The following OOSP4A variants were observed in gnomAD, a reference collection of about 807,000 sequenced individuals.
OOSP4A encodes oocyte-secreted protein 4A.
intron 1 of OOSP4A, among the ~76,000 whole-genome samples, chr11:59,964,596 C>T (rs1024254321): frequency 1.3e-5 from 2 of 152,066 alleles, no homozygotes; most frequent in Admixed American, 6.6e-5. Flanking sequence ...TGATCTGCCA[C>T]TTAATAGTTA....
chr11:59,967,651 T>TTA (rs1052238395), intron 3 of OOSP4A, among the ~76,000 whole-genome samples: 26 of 151,376 alleles, frequency 1.7e-4, no homozygotes, highest in South Asian at 6.2e-4. Context: ...TTTTTGTATT[T>TTA]TATATATATA....
chr11:59,964,148 CTTTTTTTTTTTT>C (rs397848906), intron 1 of OOSP4A, 49 bp downstream of exon 1: 7 of 310,664 alleles, frequency 2.3e-5, no homozygotes, highest in Non-Finnish European at 3.3e-5. Context: ...ATCAGCAGGG[CTTTTTTTTTTTT>C]TTTTTTTTAA....
At chr11:59,969,948 G>A (rs1389574818) in intron 4 of OOSP4A, 101 bp from the exon 5 acceptor site, 4 of 394,442 alleles carry the variant, frequency 1.0e-5, no homozygotes, top group African/African-American at 8.2e-5. Flanking sequence ...TAAAATTGAT[G>A]CCTTTTTCCC....
At chr11:59,967,265 C>A in intron 3 of OOSP4A, 101 bp downstream of exon 3, 1 of 392,976 alleles carries the variant, frequency 2.5e-6, no homozygotes, top group East Asian at 3.6e-5. Context: ...TAAGGTTGGA[C>A]ATTGGATCAA....
At chr11:59,965,006 C>T (rs1854083024) in intron 1 of OOSP4A, among the ~76,000 whole-genome samples, 1 of 151,766 alleles carries the variant, frequency 6.6e-6, no homozygotes, top group African/African-American at 2.4e-5. Context: ...CGATATTTGA[C>T]TTATTTAGCT....
chr11:59,970,202 A>T, downstream of OOSP4A: 1 of 396,774 alleles, frequency 2.5e-6, no homozygotes, highest in East Asian at 3.6e-5. Flanking sequence ...TAGTCACTGG[A>T]TATTGTCTTT....
intron 3 of OOSP4A, 89 bp downstream of exon 3, chr11:59,967,253 G>A (rs954467799): frequency 4.1e-5 from 16 of 393,786 alleles, no homozygotes; most frequent in African/African-American, 3.1e-4. Context: ...TGAACATTAT[G>A]CTAAGGTTGG....
intron 2 of OOSP4A, among the ~76,000 whole-genome samples, chr11:59,966,202 A>G (rs997452826): frequency 6.7e-6 from 1 of 149,624 alleles, no homozygotes; most frequent in East Asian, 2.0e-4. Context: ...AATTGTTGCT[A>G]TGTTTTGTAA....
exon 3 of OOSP4A, chr11:59,967,116 C>T (rs11230109): frequency 6.8e-5 from 27 of 398,136 alleles, no homozygotes; most frequent in African/African-American, 4.5e-4. Context: ...TATGAACCAA[C>T]GAATTTTGAC....
At chr11:59,964,374 A>G (rs568900881) in intron 1 of OOSP4A, among the ~76,000 whole-genome samples, 1 of 151,684 alleles carries the variant, frequency 6.6e-6, no homozygotes, top group African/African-American at 2.4e-5. Context: ...TCTCTGCTGG[A>G]GACTAGCTTG....
At chr11:59,970,142 A>G (rs901561847) in exon 5 of OOSP4A, 3 of 397,766 alleles carry the variant, frequency 7.5e-6, no homozygotes, top group African/African-American at 2.1e-5. Flanking sequence ...ACCCTACTTC[A>G]CCTGGTACTC....
exon 2 of OOSP4A, chr11:59,965,710 G>C: frequency 5.0e-6 from 2 of 398,434 alleles, no homozygotes; most frequent in Non-Finnish European, 8.9e-6. Flanking sequence ...GCATCAGAGT[G>C]AGCGTAAGAG....
intron 3 of OOSP4A, among the ~76,000 whole-genome samples, chr11:59,968,128 T>C (rs538402089): frequency 1.9e-4 from 29 of 152,336 alleles, no homozygotes; most frequent in Non-Finnish European, 3.7e-4. Flanking sequence ...TTTAGTATAA[T>C]CTGAGTAGTA....
At chr11:59,964,451 G>C (rs899676494) in intron 1 of OOSP4A, among the ~76,000 whole-genome samples, 3 of 152,074 alleles carry the variant, frequency 2.0e-5, no homozygotes, top group African/African-American at 7.2e-5. Context: ...CAGTGCCTAA[G>C]AGAGGAGGTT....
chr11:59,964,148 C>CTTTT (rs397848906), intron 1 of OOSP4A, 49 bp downstream of exon 1: 28 of 311,462 alleles, frequency 9.0e-5, no homozygotes, highest in South Asian at 1.9e-4. Flanking sequence ...ATCAGCAGGG[C>CTTTT]TTTTTTTTTT....
chr11:59,968,996 A>C (rs1854130844), intron 3 of OOSP4A, among the ~76,000 whole-genome samples, 154 bp from the exon 4 acceptor site: 1 of 152,206 alleles, frequency 6.6e-6, no homozygotes, highest in Non-Finnish European at 1.5e-5. Context: ...GTGAAACAAC[A>C]CATTTTCATA....
At chr11:59,968,271 C>T (rs1007392409) in intron 3 of OOSP4A, among the ~76,000 whole-genome samples, 1 of 152,152 alleles carries the variant, frequency 6.6e-6, no homozygotes, top group Non-Finnish European at 1.5e-5. Flanking sequence ...ATAATCATAC[C>T]TTCACCCAGA....
At chr11:59,966,569 G>A (rs979636598) in intron 2 of OOSP4A, among the ~76,000 whole-genome samples, 2 of 151,644 alleles carry the variant, frequency 1.3e-5, no homozygotes, top group East Asian at 1.9e-4. Context: ...TCCACCTCCC[G>A]TGTTCAAGCA....
intron 4 of OOSP4A, among the ~76,000 whole-genome samples, chr11:59,969,696 T>A (rs1854136178): frequency 6.6e-6 from 1 of 152,186 alleles, no homozygotes; most frequent in South Asian, 2.1e-4. Context: ...CATAAGAATA[T>A]TCAAATAGGC....
Sources: gnomAD v4.1 joint callset for allele counts (sites outside exome capture counted in the v4.1 genomes callset) on GRCh38, gnomAD v4.1.1 for gene constraint, MANE v1.5 for transcripts, NCBI Gene and HGNC (gene_info 2026-07-23, HGNC 2026-07-21) for gene names.